Variants in CMIP observed in about 807,000 individuals in gnomAD.
CMIP encodes the protein c-Maf inducing protein, also known as C-Maf-inducing protein.
Under a neutral mutation model 97.3 loss-of-function variants are expected in CMIP, and 13 were observed. The ratio of observed to expected loss-of-function variants is 0.13; its 90% CI spans 0.09 to 0.21. The LOEUF is 0.21. Ranked by LOEUF, CMIP falls within the 10% of genes least tolerant of loss-of-function variation. The pLI is 1.00. For synonymous variants in CMIP, 538 were observed against 436.3 expected, an observed-to-expected ratio of 1.23 and a Z score of -2.91; for missense variants, 847 against 1,024.9, an observed-to-expected ratio of 0.83 and a Z score of 2.37.
At chr16:81,693,835 G>C (rs575420408) in intron 13 of CMIP, among the ~76,000 whole-genome samples, 1 of 152,340 alleles carries the variant, frequency 6.6e-6, no homozygotes, top group African/African-American at 2.4e-5. Context: ...ACTGGGCAGA[G>C]CAAGGAATCT....
chr16:81,595,024 A>G (rs1394409887), intron 1 of CMIP, among the ~76,000 whole-genome samples: 2 of 144,618 alleles, frequency 1.4e-5, no homozygotes, highest in Non-Finnish European at 3.0e-5. Flanking sequence ...AATAAAGGTA[A>G]TATCATGTGG....
chr16:81,623,926 G>C (rs1026742724), intron 3 of CMIP, among the ~76,000 whole-genome samples: 11 of 152,094 alleles, frequency 7.2e-5, no homozygotes, highest in African/African-American at 2.7e-4. Context: ...TTTCAATCCA[G>C]ATCTGTGGGG....
At position 81,678,276 on chromosome 16, in the gene CMIP, C is replaced by G; in HGVS notation, c.1036C>G (p.Arg346Gly). ...YSCYEEFINS[R>G]DNSPSLKEIR... is the part of the protein sequence containing the mutation. ...GCCCTCTCCCGCCTCTTCCCCCAGC[C>G]GCGACAATTCCCCAAGCCTGAAGGA... is the stretch of plus-strand genomic sequence containing the variant. The change falls in exon 10 of 21, where the codon CGC becomes GGC. Residue 346 changes from arginine to glycine, a missense_variant and splice_region_variant. By Grantham distance (125) the Arg-to-Gly change is moderately radical (BLOSUM62 -2). Around this residue, in one of 4 missense-constraint regions of CMIP, gnomAD observed 285 missense variants for 392.2 expected, o/e 0.73. Coordinates refer to ENST00000537098, the MANE Select transcript of CMIP (RefSeq NM_198390.3). 1 of 1,586,174 alleles carries G rather than the reference C, an allele frequency of 6.3e-7. No homozygotes were observed.
chr16:81,598,974 A>G (rs1380087576), intron 1 of CMIP, among the ~76,000 whole-genome samples: 2 of 149,482 alleles, frequency 1.3e-5, no homozygotes, highest in Non-Finnish European at 3.0e-5. Context: ...GTCTCAAAAA[A>G]AAAAAAAAAA....
intron 1 of CMIP, among the ~76,000 whole-genome samples, chr16:81,460,699 AGTG>A (rs1319592241): frequency 1.3e-5 from 2 of 152,138 alleles, no homozygotes; most frequent in Non-Finnish European, 2.9e-5. Flanking sequence ...GAGGAGATGG[AGTG>A]GTGTTCAGAG....
chr16:81,566,660 A>T (rs1461888341), intron 1 of CMIP, among the ~76,000 whole-genome samples: 1 of 152,226 alleles, frequency 6.6e-6, no homozygotes, highest in Admixed American at 6.5e-5. Flanking sequence ...TTCTGTTCCC[A>T]AGAGAACTGA....
Position 81,663,997 on chromosome 16 carries a change from A to T in CMIP, c.745-272A>T, listed in dbSNP as rs4352038. ...TGGAACGCCCCCACCCCATCCTTAAAAGGAGCATGTGCAGTGATCGTTGGG... is the reference window on the plus strand; with the variant it reads ...TGGAACGCCCCCACCCCATCCTTAATAGGAGCATGTGCAGTGATCGTTGGG... On this transcript the variant is annotated intron_variant, in intron 6 of 20. Transcript: ENST00000537098. 0.63 allele frequency among the ~76,000 whole-genome samples: 95,547 copies of T among 151,954 alleles called. 30,660 individuals carry two copies. The highest frequency in any genetic ancestry group is 0.75 in the African/African-American group (31,204 of 41,444).
chr16:81,484,926 C>A (rs557709989), intron 1 of CMIP, among the ~76,000 whole-genome samples: 3 of 152,180 alleles, frequency 2.0e-5, no homozygotes, highest in African/African-American at 7.2e-5. Context: ...TCCCCTCCTG[C>A]CTTCCTCCTC....
At position 81,616,638 on chromosome 16, in the gene CMIP, CT is replaced by C. The variant is rs1293580860; in HGVS notation, c.427-4237del. ...CTTCTTCCTGGACTGCCACACCGACCTCCAAGAGTTGAGAGGATCCCAGAGT... is the reference window on the plus strand; with the variant it reads ...CTTCTTCCTGGACTGCCACACCGACCCCAAGAGTTGAGAGGATCCCAGAGT... On this transcript the variant is annotated intron_variant, in intron 2 of 20. Transcript: ENST00000537098. The surrounding 1 kb of genome is among the most constrained non-coding windows in gnomAD (Gnocchi z 4.7). Among the ~76,000 whole-genome samples the C allele has an allele frequency of 2.0e-5, 3 of 152,236 alleles. No homozygotes were observed. Among genetic ancestry groups the C allele is most frequent in the Non-Finnish European group, 2.9e-5 (2 of 68,046 alleles).
chr16:81,564,692 G>C lies in CMIP; in HGVS notation c.301-42875G>C, dbSNP rs9921128. On this transcript the variant is annotated intron_variant, in intron 1 of 20. Coordinates refer to ENST00000537098, the MANE Select transcript of CMIP (RefSeq NM_198390.3). ...CTGGATTTTAAACAAGCAAGCCTGG[G>C]TGATTCTGATGCTGATGACCCTGCA... Among the ~76,000 whole-genome samples the C allele has an allele frequency of 9.0e-3, 1,375 of 152,328 alleles. 17 individuals carry two copies. The highest frequency in any genetic ancestry group is 0.022 in the African/African-American group (916 of 41,572).
intron 18 of CMIP, 71 bp from the exon 19 acceptor site, chr16:81,705,428 C>T (rs147159084): frequency 3.5e-6 from 4 of 1,137,614 alleles, no homozygotes; most frequent in South Asian, 1.4e-5. Context: ...TTTCCTCCAC[C>T]TCTGCCCCAG....
intron 1 of CMIP, among the ~76,000 whole-genome samples, chr16:81,491,159 C>T (rs1319816522): frequency 2.0e-5 from 3 of 152,152 alleles, no homozygotes; most frequent in Admixed American, 6.5e-5. Flanking sequence ...GCATTATCCT[C>T]GTGAGGGCTC....
chr16:81,522,185 C>G (rs1478321585), intron 1 of CMIP, among the ~76,000 whole-genome samples: 1 of 152,168 alleles, frequency 6.6e-6, no homozygotes, highest in African/African-American at 2.4e-5. Context: ...ACCGATTCGC[C>G]CACGATGATC....
chr16:81,652,498 C>A lies in CMIP; in HGVS notation c.639+134C>A. 1 of 750,986 alleles carries A rather than the reference C, an allele frequency of 1.3e-6. No homozygotes were observed. Among genetic ancestry groups the A allele is most frequent in the Non-Finnish European group, 2.2e-6 (1 of 461,106 alleles). 46.5% of individuals were successfully genotyped at this position (750,986 alleles called of 1,614,324 possible). ...TTGCCCTGCTGCCGAAGGAGGTGAGCAGTTGCCCACCCAGCCGTGTGTGGG... is the reference window on the plus strand; with the variant it reads ...TTGCCCTGCTGCCGAAGGAGGTGAGAAGTTGCCCACCCAGCCGTGTGTGGG... On this transcript the variant is annotated intron_variant, in intron 4 of 20. Coordinates refer to ENST00000537098, the MANE Select transcript of CMIP (RefSeq NM_198390.3). The surrounding 1 kb of genome is among the most constrained non-coding windows in gnomAD (Gnocchi z 5.2).
chr16:81,556,576 C>A (rs4254321), intron 1 of CMIP, among the ~76,000 whole-genome samples: 135,857 of 152,148 alleles, frequency 0.89, 61,800 homozygotes, highest in Non-Finnish European at 0.99. Context: ...AGGTGGAATC[C>A]TGGTAACCAC....
chr16:81,695,899 G>A, intron 13 of CMIP: 1 of 152,132 alleles, frequency 6.6e-6, no homozygotes. Flanking sequence ...AGAGAGGGTG[G>A]CAGAGTCCCA....
chr16:81,708,728 AT>A (rs757242512), intron 20 of CMIP, among the ~76,000 whole-genome samples: 43 of 152,156 alleles, frequency 2.8e-4, no homozygotes, highest in Non-Finnish European at 4.6e-4. Flanking sequence ...TGAAATCTAG[AT>A]TCGTCTGTGA....
chr16:81,663,030 C>G (rs982402759), intron 6 of CMIP, among the ~76,000 whole-genome samples: 8 of 151,728 alleles, frequency 5.3e-5, no homozygotes, highest in African/African-American at 1.9e-4. Flanking sequence ...GAAATAGTCT[C>G]AAGCTTTAAG....
intron 1 of CMIP, chr16:81,517,692 A>G (rs1227166446): frequency 1.3e-5 from 2 of 152,302 alleles, no homozygotes; most frequent in East Asian, 3.8e-4. Context: ...CATTTTAGCC[A>G]GTGTGTCCTT....
Sources: allele counts gnomAD v4.1 joint callset (sites outside exome capture counted in the v4.1 genomes callset), GRCh38; gene constraint gnomAD v4.1.1; regional missense constraint gnomAD v4.1.1; non-coding constraint Gnocchi (gnomAD v3.1); transcripts MANE v1.5; gene names NCBI Gene and HGNC (gene_info 2026-07-23, HGNC 2026-07-21).